OR2T6: variants seen among roughly 807,000 people sequenced by gnomAD.
The protein encoded by OR2T6 is olfactory receptor 2T6.
For missense variants in OR2T6, 424 were observed against 391.6 expected (o/e 1.08, Z -0.70); for synonymous variants, 174 against 148.0 (o/e 1.18, Z -1.27).
rs1661225570 is a variant in OR2T6, at chr1:248,390,233, C to T, written c.*1698C>T. 2 of 152,108 alleles carry T rather than the reference C, an allele frequency of 1.3e-5. No individual in the cohort carries two copies. The highest frequency in any genetic ancestry group is 2.4e-5 in the African/African-American group (1 of 41,418). 9.4% of individuals were successfully genotyped at this position (152,108 alleles called of 1,614,324 possible). On this transcript the variant is annotated 3_prime_UTR_variant, in exon 3 of 3. Coordinates refer to ENST00000641644, the MANE Select transcript of OR2T6 (RefSeq NM_001005471.2). ...TTGGCTACGTCAAGGGTGTTCTATA[C>T]ACTTAGTATGATTTCTTTTTAAGTG...
chr1:248,385,373 A>G (rs1361307051), intron 2 of OR2T6, among the ~76,000 whole-genome samples: 1 of 152,198 alleles, frequency 6.6e-6, no homozygotes, highest in East Asian at 1.9e-4. Flanking sequence ...CACCCTGGAG[A>G]ATATGTAGAC....
Position 248,391,045 on chromosome 1 carries a change from G to T in OR2T6, c.*2510G>T, listed in dbSNP as rs537495694. On this transcript the variant is annotated 3_prime_UTR_variant, in exon 3 of 3. Coordinates refer to ENST00000641644, the MANE Select transcript of OR2T6 (RefSeq NM_001005471.2). ...TTCTATCGATCCGTTACAGACAAAA[G>T]CACACTCTCTTGTACAGCCACTTTG... 7.9e-5 allele frequency: 12 copies of T among 152,180 alleles called. No homozygotes were observed. Among genetic ancestry groups the T allele is most frequent in the African/African-American group, 2.6e-4 (11 of 41,526 alleles). 9.4% of individuals were successfully genotyped at this position (152,180 alleles called of 1,614,324 possible).
Position 248,388,327 on chromosome 1 carries a change from C to A in OR2T6, c.719C>A (p.Thr240Asn), listed in dbSNP as rs749214490. ...GAAGGGAGGAAGAAGGCCTTTGCCA[C>A]CTGCTCTTCACACATGATGGTGGTG... ...SAEGRKKAFA[T>N]CSSHMMVVTL... Residue 240 changes from threonine (T) to asparagine (N), a missense_variant, in exon 3 of 3, where the codon ACC becomes AAC. Transcript: ENST00000641644. 6 of 1,613,644 alleles carry A rather than the reference C, an allele frequency of 3.7e-6. No homozygotes were observed. Among genetic ancestry groups the A allele is most frequent in the Non-Finnish European group, 5.1e-6 (6 of 1,179,726 alleles).
intron 1 of OR2T6, among the ~76,000 whole-genome samples, chr1:248,382,480 A>T (rs1161445583): frequency 6.7e-6 from 1 of 148,994 alleles, no homozygotes; most frequent in Non-Finnish European, 1.5e-5. Context: ...TAAAACACTG[A>T]TTATTTATAT....
At position 248,387,613 on chromosome 1, in the gene OR2T6, A is replaced by C; in HGVS notation, c.5A>C (p.Asn2Thr). The stretch of plus-strand genomic sequence containing the variant: ...CTCCATTTCAAACTCAGTACCATGA[A>C]TGAAAACAATGAAACCTTGACCAGA... Reference protein sequence around the residue: MNENNETLTRGF... With the variant: MTENNETLTRGF... The change falls in exon 3 of 3, where the codon AAT (asparagine) becomes ACT (threonine). Residue 2 changes from asparagine to threonine, a missense_variant. Asn to Thr is a moderately conservative substitution (Grantham distance 65). Transcript: ENST00000641644. 6.4e-7 allele frequency: 1 copy of C among 1,570,248 alleles called. No homozygotes were observed. The highest frequency in any genetic ancestry group is 8.7e-7 in the Non-Finnish European group (1 of 1,151,010).
chr1:248,387,978 G>A lies in OR2T6; in HGVS notation c.370G>A (p.Val124Met), dbSNP rs201925418. ...LLGLMAYDRY[V>M]AICNPLRYPV... ...GGGGCTCATGGCCTATGACCGCTACGTGGCCATCTGCAACCCACTGCGCTA... is the reference window on the plus strand; with the variant it reads ...GGGGCTCATGGCCTATGACCGCTACATGGCCATCTGCAACCCACTGCGCTA... The change falls in exon 3 of 3, where the codon GTG becomes ATG. Residue 124 changes from valine to methionine, a missense_variant. By Grantham distance (21) the Val-to-Met change is conservative. Transcript: ENST00000641644. The A allele has an allele frequency of 2.3e-5, 37 of 1,610,024 alleles. No individual in the cohort carries two copies. In the East Asian group the frequency reaches 2.5e-4, roughly 11 times the overall value.
rs1394632586 is a variant in OR2T6 at position 248,389,262 on chromosome 1, AG to A, written c.*728del. The A allele has an allele frequency of 2.0e-5, 2 of 97,576 alleles. No individual in the cohort carries two copies. The highest frequency in any genetic ancestry group is 4.0e-5 in the African/African-American group (1 of 25,076). 6.0% of individuals were successfully genotyped at this position (97,576 alleles called of 1,614,324 possible). On this transcript the variant is annotated 3_prime_UTR_variant, in exon 3 of 3. Coordinates refer to ENST00000641644, the MANE Select transcript of OR2T6 (RefSeq NM_001005471.2). ...AGAAAGAAATGCCCTATTAACTAGC[AG>A]TTTCTGTAATCACTTTACAGCTTCT...
chr1:248,386,571 G>A (rs1225776044), intron 2 of OR2T6, among the ~76,000 whole-genome samples: 1 of 152,178 alleles, frequency 6.6e-6, no homozygotes, highest in Non-Finnish European at 1.5e-5. Flanking sequence ...AAGTTAAACT[G>A]TTACATGTTA....
intron 2 of OR2T6, among the ~76,000 whole-genome samples, chr1:248,387,342 A>C (rs1055019581): frequency 6.6e-6 from 1 of 152,226 alleles, no homozygotes; most frequent in Non-Finnish European, 1.5e-5. Context: ...TTCAATCATA[A>C]TGAAACTCCC....
In OR2T6 at chr1:248,388,453, C is replaced by T. The variant is rs1390415941; in HGVS notation, c.845C>T (p.Thr282Ile). The change falls in exon 3 of 3, where the codon ACA (threonine) becomes ATA (isoleucine). Residue 282 changes from threonine to isoleucine, a missense_variant. Coordinates refer to ENST00000641644, the MANE Select transcript of OR2T6 (RefSeq NM_001005471.2). ...KVFSAFYTIL[T>I]PLLNPLIYSL... ...TTCTCTGCCTTTTATACCATCCTCACACCCTTATTAAACCCTCTCATCTAC... is the reference window on the plus strand; with the variant it reads ...TTCTCTGCCTTTTATACCATCCTCATACCCTTATTAAACCCTCTCATCTAC... 1.2e-6 allele frequency: 2 copies of T among 1,612,502 alleles called. No individual in the cohort carries two copies. Among genetic ancestry groups the T allele is most frequent in the African/African-American group, 1.3e-5 (1 of 74,894 alleles).
chr1:248,378,519 C>T (rs1046314538), intron 1 of OR2T6, among the ~76,000 whole-genome samples: 5 of 151,838 alleles, frequency 3.3e-5, no homozygotes, highest in Non-Finnish European at 5.9e-5. Flanking sequence ...TCTCATCTTA[C>T]TTGTGTGAAA....
chr1:248,382,528 C>CTTT, intron 1 of OR2T6, among the ~76,000 whole-genome samples: 1 of 82,484 alleles, frequency 1.2e-5, no homozygotes, highest in African/African-American at 9.1e-5. Context: ...GTCTACCTTT[C>CTTT]TTTCTTTCTT....
chr1:248,377,534 G>T (rs1273785779), intron 1 of OR2T6, among the ~76,000 whole-genome samples: 1 of 152,210 alleles, frequency 6.6e-6, no homozygotes, highest in East Asian at 1.9e-4. Flanking sequence ...GAGAGTTGTA[G>T]AAACAAGTTG....
chr1:248,383,073 G>T (rs1661067744), intron 1 of OR2T6, among the ~76,000 whole-genome samples: 1 of 149,610 alleles, frequency 6.7e-6, no homozygotes, highest in African/African-American at 2.5e-5. Context: ...GCACTAGCCT[G>T]AGTGTGCTCA....
rs1267743104 is a variant in OR2T6, at chr1:248,375,926, C to T, written c.-287C>T. The T allele has an allele frequency of 6.6e-6, 1 of 151,614 alleles. No individual in the cohort carries two copies. The highest frequency in any genetic ancestry group is 6.6e-5 in the Admixed American group (1 of 15,198). 9.4% of individuals were successfully genotyped at this position (151,614 alleles called of 1,614,324 possible). On this transcript the variant is annotated 5_prime_UTR_variant, in exon 1 of 3. Transcript: ENST00000641644. ...TCAAGGAAAGATACTAATATGAAGA[C>T]AGAAAAAAAGAAGATCAAGAAGGTT...
rs1203635551 is a variant in OR2T6 at position 248,387,927 on chromosome 1, T to C, written c.319T>C (p.Phe107Leu). The C allele has an allele frequency of 6.2e-7, 1 of 1,605,910 alleles. No individual in the cohort carries two copies. Among genetic ancestry groups the C allele is most frequent in the Admixed American group, 1.7e-5 (1 of 59,516 alleles). The part of the protein sequence containing the change: ...CTAQCFLYMG[F>L]MGAEFFLLGL... ...TGCTCAGTGCTTTCTCTACATGGGC[T>C]TTATGGGGGCTGAATTCTTCCTGCT... Residue 107 changes from phenylalanine (F) to leucine (L), a missense_variant, in exon 3 of 3, where the codon TTT becomes CTT. Phe to Leu is a conservative substitution (Grantham distance 22). Transcript: ENST00000641644.
rs1661225293 is a variant in OR2T6, at chr1:248,390,222, G to A, written c.*1687G>A. The A allele has an allele frequency of 6.6e-6, 1 of 152,134 alleles. No individual in the cohort carries two copies. The highest frequency in any genetic ancestry group is 1.5e-5 in the Non-Finnish European group (1 of 68,032). The allele number at this position is 152,134 out of a possible 1,614,324, so 9.4% of individuals were successfully genotyped here. On this transcript the variant is annotated 3_prime_UTR_variant, in exon 3 of 3. Transcript: ENST00000641644. ...CTAAGATGGAGTTGGCTACGTCAAGGGTGTTCTATACACTTAGTATGATTT... is the reference window on the plus strand; with the variant it reads ...CTAAGATGGAGTTGGCTACGTCAAGAGTGTTCTATACACTTAGTATGATTT...
intron 1 of OR2T6, 118 bp downstream of exon 1, chr1:248,376,172 A>C (rs1660936770): frequency 6.6e-6 from 1 of 152,226 alleles, no homozygotes; most frequent in Non-Finnish European, 1.5e-5. Context: ...CATTTAAGAT[A>C]ATTCAGATAT....
chr1:248,389,161 G>C lies in OR2T6; in HGVS notation c.*626G>C, dbSNP rs1572872423. ...AAATGCCAAGACTAAATCTTTATGG[G>C]GGAGGGAGTCTGTAATGTTAGTTTT... On this transcript the variant is annotated 3_prime_UTR_variant, in exon 3 of 3. Transcript: ENST00000641644. 1 of 152,200 alleles carries C rather than the reference G, an allele frequency of 6.6e-6. No homozygotes were observed. The highest frequency in any genetic ancestry group is 1.9e-4 in the East Asian group (1 of 5,190). The allele number at this position is 152,200 out of a possible 1,614,324, so 9.4% of individuals were successfully genotyped here.
Sources: gnomAD v4.1 joint callset for allele counts (sites outside exome capture counted in the v4.1 genomes callset) on GRCh38, gnomAD v4.1.1 for gene constraint, MANE v1.5 for transcripts, NCBI Gene and HGNC (gene_info 2026-07-23, HGNC 2026-07-21) for gene names.